SYBU: variants seen among roughly 807,000 people sequenced by gnomAD.
SYBU encodes the protein GOLSYN A protein.
SYBU carries 21 observed loss-of-function variants against 35.9 expected under a neutral mutation model. The ratio of observed to expected loss-of-function variants is 0.58; its 90% CI spans 0.41 to 0.84. The LOEUF (loss-of-function observed/expected upper bound fraction) is 0.84. Among genes scored for constraint, SYBU ranks in the 40% least tolerant of loss-of-function variants. SYBU has a pLI of 0.00. For synonymous variants in SYBU, 319 were observed against 324.3 expected, an observed-to-expected ratio of 0.98 and a Z score of 0.18; for missense variants, 768 against 848.2, an observed-to-expected ratio of 0.91 and a Z score of 1.17.
intron 4 of SYBU, among the ~76,000 whole-genome samples, chr8:109,581,410 ATG>A (rs1331386151): frequency 6.6e-6 from 1 of 152,220 alleles, no homozygotes; most frequent in Admixed American, 6.5e-5. Flanking sequence ...CAAAGAATGC[ATG>A]TGAGTACATT....
chr8:109,642,513 CAT>C (rs1293939119), intron 2 of SYBU, among the ~76,000 whole-genome samples: 3 of 152,152 alleles, frequency 2.0e-5, no homozygotes, highest in Admixed American at 6.6e-5. Flanking sequence ...GCTAGAATAA[CAT>C]ATGAAAATTC....
At chr8:109,614,553 G>T (rs1811525299) in intron 3 of SYBU, among the ~76,000 whole-genome samples, 1 of 152,218 alleles carries the variant, frequency 6.6e-6, no homozygotes, top group African/African-American at 2.4e-5. Flanking sequence ...GGGATGCTGT[G>T]GAGGAGGTTC....
At chr8:109,594,175 C>G (rs1391200905) in intron 3 of SYBU, among the ~76,000 whole-genome samples, 1 of 151,986 alleles carries the variant, frequency 6.6e-6, no homozygotes, top group African/African-American at 2.4e-5. Flanking sequence ...GGGTGCGGAG[C>G]AGGGGTGTCA....
intron 2 of SYBU, among the ~76,000 whole-genome samples, chr8:109,641,848 T>C (rs367942161): frequency 6.6e-6 from 1 of 152,244 alleles, no homozygotes; most frequent in Non-Finnish European, 1.5e-5. Context: ...GTTTTTACAC[T>C]GTTGGTGGGA....
intron 3 of SYBU, among the ~76,000 whole-genome samples, chr8:109,600,536 A>G (rs1259097067): frequency 2.6e-5 from 4 of 152,236 alleles, no homozygotes; most frequent in African/African-American, 9.6e-5. Flanking sequence ...GAAGAAAGGT[A>G]CCAAAAGAAC....
intron 2 of SYBU, among the ~76,000 whole-genome samples, chr8:109,630,647 A>G (rs983061545): frequency 6.6e-6 from 1 of 152,246 alleles, no homozygotes; most frequent in African/African-American, 2.4e-5. Context: ...CTTTTCTTAA[A>G]CAAGTGGGTA....
In SYBU at chr8:109,644,819, C is replaced by G. The variant is rs1202388194; in HGVS notation, c.-160G>C. ...CCGCCGCCGCCACTGCCGCCGATTG[C>G]TCTGGGCTCCGAGGGCACGCCCGAC... On this transcript the variant is annotated 5_prime_UTR_variant, in exon 1 of 7. Transcript: ENST00000276646. 1.4e-6 allele frequency: 1 copy of G among 705,880 alleles called. No individual in the cohort carries two copies. Among genetic ancestry groups the G allele is most frequent in the Admixed American group, 4.0e-5 (1 of 24,914 alleles). The allele number at this position is 705,880 out of a possible 1,614,324, so 43.7% of individuals were successfully genotyped here.
chr8:109,643,793 AT>A (rs1206067943), intron 1 of SYBU: 1 of 321,914 alleles, frequency 3.1e-6, no homozygotes, highest in East Asian at 8.7e-5. Context: ...GAATGTCCCT[AT>A]TTTCAGATGA....
intron 1 of SYBU, among the ~76,000 whole-genome samples, chr8:109,678,473 C>T (rs1817283829): frequency 8.5e-6 from 1 of 118,196 alleles, no homozygotes; most frequent in African/African-American, 3.3e-5. Context: ...CAGAGTCTTG[C>T]TCTGTAGCCC....
chr8:109,608,764 T>G (rs1810858753), intron 3 of SYBU, among the ~76,000 whole-genome samples: 1 of 152,184 alleles, frequency 6.6e-6, no homozygotes, highest in Admixed American at 6.5e-5. Flanking sequence ...TATTTCCCAT[T>G]TTATAATAAT....
intron 1 of SYBU, among the ~76,000 whole-genome samples, chr8:109,650,594 G>T (rs1429145224): frequency 1.3e-5 from 2 of 152,190 alleles, no homozygotes; most frequent in Non-Finnish European, 2.9e-5. Context: ...GGTTATTCCT[G>T]TGAACCACTG....
intron 3 of SYBU, among the ~76,000 whole-genome samples, chr8:109,605,200 A>G (rs1825945124): frequency 6.6e-6 from 1 of 152,208 alleles, no homozygotes; most frequent in South Asian, 2.1e-4. Flanking sequence ...GTGACTAATA[A>G]CAATGGAATA....
At chr8:109,613,826 T>C (rs559336585) in intron 3 of SYBU, among the ~76,000 whole-genome samples, 1 of 152,244 alleles carries the variant, frequency 6.6e-6, no homozygotes, top group African/African-American at 2.4e-5. Context: ...TGTTGGTGCC[T>C]TTTGAGTTTT....
chr8:109,612,247 G>T (rs2130252859), intron 3 of SYBU, among the ~76,000 whole-genome samples: 1 of 152,250 alleles, frequency 6.6e-6, no homozygotes, highest in African/African-American at 2.4e-5. Flanking sequence ...TTTTGCTTGG[G>T]ACAGGCAGTG....
Position 109,574,054 on chromosome 8 carries a change from ATAAC to A in SYBU, c.*848_*851del, listed in dbSNP as rs1342280281. On this transcript the variant is annotated 3_prime_UTR_variant, in exon 7 of 7. Transcript: ENST00000276646. ...GGGTAGGAAATCTTCATTTTCTTTA[ATAAC>A]TAACTCTTTTTCCCTCTTCCTAATT... The A allele has an allele frequency of 1.1e-4, 16 of 152,304 alleles. No homozygotes were observed. In the East Asian group the frequency reaches 2.9e-3, roughly 28 times the overall value. The allele number at this position is 152,304 out of a possible 1,614,324, so 9.4% of individuals were successfully genotyped here.
At chr8:109,675,106 A>G (rs535144900) in intron 1 of SYBU, among the ~76,000 whole-genome samples, 14 of 152,332 alleles carry the variant, frequency 9.2e-5, no homozygotes, top group Non-Finnish European at 1.9e-4. Context: ...ACAAAGACAC[A>G]ATGTATCAGA....
chr8:109,661,669 A>T (rs3134316), intron 1 of SYBU, among the ~76,000 whole-genome samples: 13,519 of 152,156 alleles, frequency 0.089, 872 homozygotes, highest in East Asian at 0.32. Flanking sequence ...CCCAGTATGA[A>T]CTCTTCATTA....
upstream of SYBU, chr8:109,646,648 T>C (rs1815726890): frequency 6.6e-6 from 1 of 152,248 alleles, no homozygotes; most frequent in Non-Finnish European, 1.5e-5. Context: ...CCTGGGATCA[T>C]ATACTGTGAG....
chr8:109,602,120 T>G (rs1825600842), intron 3 of SYBU, among the ~76,000 whole-genome samples: 1 of 152,158 alleles, frequency 6.6e-6, no homozygotes, highest in Non-Finnish European at 1.5e-5. Context: ...ATTAACTGTA[T>G]GGGTTCAAAA....
Sources: gnomAD v4.1 joint callset for allele counts (sites outside exome capture counted in the v4.1 genomes callset) on GRCh38, gnomAD v4.1.1 for gene constraint, MANE v1.5 for transcripts, NCBI Gene and HGNC (gene_info 2026-07-23, HGNC 2026-07-21) for gene names.